The following PPARGC1A variants were observed in gnomAD, a reference collection of about 807,000 sequenced individuals.
The protein encoded by PPARGC1A is peroxisome proliferator-activated receptor gamma coactivator 1-alpha.
A neutral mutation model predicts 88.7 loss-of-function variants in PPARGC1A; 25 were observed. The observed-to-expected ratio is 0.28, with a 90% confidence interval of 0.21 to 0.39. PPARGC1A has a LOEUF of 0.39. PPARGC1A is among the 10% of genes least tolerant of loss of function. The pLI is 1.00. For synonymous variants in PPARGC1A, 363 were observed against 355.6 expected (o/e 1.02, Z -0.24); for missense variants, 880 against 968.7 (o/e 0.91, Z 1.22).
chr4:24,401,930 C>A, the PPARGC1A span, among the ~76,000 whole-genome samples: 4 of 152,310 alleles, frequency 2.6e-5, 1 homozygote, highest in African/African-American at 9.6e-5. Context: ...AATTACTTAG[C>A]TTGTAAAAAG....
the PPARGC1A span, among the ~76,000 whole-genome samples, chr4:23,990,113 T>A: frequency 1.4e-5 from 2 of 145,182 alleles, no homozygotes; most frequent in African/African-American, 5.0e-5. Flanking sequence ...TATGTATATA[T>A]AATATACATT....
At chr4:24,123,674 G>A in the PPARGC1A span, among the ~76,000 whole-genome samples, 410 of 152,228 alleles carry the variant, frequency 2.7e-3, 4 homozygotes, top group East Asian at 0.05. Context: ...CAAAGTCAAG[G>A]TTAGGCACAG....
At chr4:23,929,304 A>G in the PPARGC1A span, among the ~76,000 whole-genome samples, 1 of 152,224 alleles carries the variant, frequency 6.6e-6, no homozygotes, top group Non-Finnish European at 1.5e-5. Context: ...ATGTGGTAGA[A>G]GGAAAACTTG....
the PPARGC1A span, among the ~76,000 whole-genome samples, chr4:23,913,830 G>A: frequency 1.3e-5 from 2 of 152,102 alleles, no homozygotes; most frequent in African/African-American, 2.4e-5. Context: ...TCACAGAGGA[G>A]GCATGTGCTC....
At chr4:24,365,769 A>T in the PPARGC1A span, among the ~76,000 whole-genome samples, 28,412 of 151,506 alleles carry the variant, frequency 0.19, 2,678 homozygotes, top group South Asian at 0.23. Context: ...GTTTTTTTTT[A>T]ATATATGCTT....
the PPARGC1A span, among the ~76,000 whole-genome samples, chr4:23,927,008 G>A: frequency 2.6e-5 from 4 of 152,132 alleles, no homozygotes; most frequent in Non-Finnish European, 5.9e-5. Context: ...ACTGACAATG[G>A]GGTTATGTCC....
At chr4:24,112,638 T>C in the PPARGC1A span, among the ~76,000 whole-genome samples, 1 of 152,238 alleles carries the variant, frequency 6.6e-6, no homozygotes, top group Non-Finnish European at 1.5e-5. Context: ...TGATCATTCA[T>C]CACTGTTAAT....
chr4:24,100,218 T>C, the PPARGC1A span, among the ~76,000 whole-genome samples: 2 of 152,186 alleles, frequency 1.3e-5, no homozygotes, highest in South Asian at 2.1e-4. Flanking sequence ...TAAGAAGCAA[T>C]GGGCTACGGA....
At chr4:24,077,555 T>G in the PPARGC1A span, among the ~76,000 whole-genome samples, 1 of 151,670 alleles carries the variant, frequency 6.6e-6, no homozygotes, top group Admixed American at 6.6e-5. Context: ...GTTTTTTTTT[T>G]CTTCCTGAAT....
intron 7 of PPARGC1A, 101 bp from the exon 8 acceptor site, chr4:23,814,706 A>G: frequency 8.6e-7 from 1 of 1,156,134 alleles, no homozygotes; most frequent in African/African-American, 1.6e-5. Context: ...TTTTTCCAAG[A>G]TTTCAGACAA....
the PPARGC1A span, among the ~76,000 whole-genome samples, chr4:24,248,404 C>A: frequency 6.6e-6 from 1 of 152,000 alleles, no homozygotes; most frequent in Non-Finnish European, 1.5e-5. Flanking sequence ...GGATTACAGG[C>A]GTGAGAACCC....
chr4:24,264,294 C>G, the PPARGC1A span, among the ~76,000 whole-genome samples: 4 of 152,160 alleles, frequency 2.6e-5, no homozygotes, highest in African/African-American at 4.8e-5. Flanking sequence ...ACACACATCA[C>G]ACACTCAATT....
At chr4:24,324,602 G>A in the PPARGC1A span, among the ~76,000 whole-genome samples, 285 of 152,152 alleles carry the variant, frequency 1.9e-3, 1 homozygote, top group Middle Eastern at 0.027. Flanking sequence ...CTGCAATGCC[G>A]CTTGACCCCA....
chr4:23,842,414 A>C (rs1303024020), intron 2 of PPARGC1A, among the ~76,000 whole-genome samples: 1 of 152,122 alleles, frequency 6.6e-6, no homozygotes, highest in Non-Finnish European at 1.5e-5. Flanking sequence ...TTTTTCAACA[A>C]GTCCAACTCT....
chr4:24,202,978 T>TG, the PPARGC1A span, among the ~76,000 whole-genome samples: 2 of 151,956 alleles, frequency 1.3e-5, no homozygotes, highest in African/African-American at 4.8e-5. Flanking sequence ...ATCTAGGGGG[T>TG]GTCTGCCACT....
At chr4:24,183,756 T>A in the PPARGC1A span, among the ~76,000 whole-genome samples, 5 of 152,168 alleles carry the variant, frequency 3.3e-5, no homozygotes, top group African/African-American at 1.2e-4. Flanking sequence ...TTGAAAAGGA[T>A]CTACATGTGA....
the PPARGC1A span, among the ~76,000 whole-genome samples, chr4:24,225,156 C>G: frequency 0.012 from 1,760 of 152,242 alleles, 43 homozygotes; most frequent in African/African-American, 0.039. Context: ...TTTAACAGAG[C>G]CTGCTGCTGG....
intron 2 of PPARGC1A, among the ~76,000 whole-genome samples, chr4:23,855,417 T>A (rs1730018574): frequency 6.6e-6 from 1 of 152,184 alleles, no homozygotes; most frequent in Admixed American, 6.5e-5. Context: ...ATAATTGGCA[T>A]TCAGAAAGCA....
the PPARGC1A span, among the ~76,000 whole-genome samples, chr4:24,010,159 C>A: frequency 6.6e-6 from 1 of 152,132 alleles, no homozygotes; most frequent in African/African-American, 2.4e-5. Context: ...TTAGGCAAGT[C>A]CTTAACCTCT....
Sources: allele counts gnomAD v4.1 joint callset (sites outside exome capture counted in the v4.1 genomes callset), GRCh38; gene constraint gnomAD v4.1.1; transcripts MANE v1.5; gene names NCBI Gene and HGNC (gene_info 2026-07-23, HGNC 2026-07-21).